MCUB: variants seen among roughly 807,000 people sequenced by gnomAD.
MCUB encodes the protein mitochondrial calcium uniporter dominant negative subunit beta.
MCUB carries 46 observed loss-of-function variants against 41.4 expected under a neutral mutation model. That is an observed-to-expected ratio of 1.11 (90% CI 0.88 to 1.42). The LOEUF (loss-of-function observed/expected upper bound fraction) is 1.42. MCUB is among the 40% of genes most tolerant of loss of function. The pLI is 0.00. For synonymous variants in MCUB, 148 were observed against 148.2 expected (o/e 1.00, Z 0.01); for missense variants, 403 against 404.9 (o/e 1.00, Z 0.04).
intron 1 of MCUB, among the ~76,000 whole-genome samples, chr4:109,600,787 A>T (rs955223729): frequency 6.6e-6 from 1 of 152,000 alleles, no homozygotes; most frequent in African/African-American, 2.4e-5. Flanking sequence ...ACGTATTTTT[A>T]TTATATATAT....
chr4:109,641,257 T>G (rs1422423252), intron 1 of MCUB, among the ~76,000 whole-genome samples: 2 of 132,676 alleles, frequency 1.5e-5, no homozygotes, highest in Non-Finnish European at 3.1e-5. Flanking sequence ...AACACCCGGC[T>G]ACTTTTTGTA....
intron 1 of MCUB, among the ~76,000 whole-genome samples, chr4:109,630,425 A>G (rs1186942071): frequency 6.6e-6 from 1 of 152,176 alleles, no homozygotes; most frequent in East Asian, 1.9e-4. Context: ...TCATACCTCT[A>G]CATTCCAGCC....
In MCUB at chr4:109,568,967, T is replaced by G. The variant is rs144190731; in HGVS notation, c.99+8531T>G. ...AAAACCTGAAGCATTCTTGTCTACTTGTTGAATAATTGAAGATTTTTTAAA... is the reference window on the plus strand; with the variant it reads ...AAAACCTGAAGCATTCTTGTCTACTGGTTGAATAATTGAAGATTTTTTAAA... On this transcript the variant is annotated intron_variant, in intron 1 of 7. Transcript: ENST00000394650. Among the ~76,000 whole-genome samples the G allele has an allele frequency of 2.0e-3, 301 of 152,318 alleles. 3 individuals carry two copies. Among genetic ancestry groups the G allele is most frequent in the African/African-American group, 6.8e-3 (284 of 41,572 alleles).
chr4:109,633,731 T>G (rs1031128554), intron 1 of MCUB, among the ~76,000 whole-genome samples: 1 of 152,192 alleles, frequency 6.6e-6, no homozygotes, highest in African/African-American at 2.4e-5. Context: ...CACCCAGGCA[T>G]CAAAGCAAGG....
At chr4:109,638,334 G>T (rs1434451917) in intron 1 of MCUB, among the ~76,000 whole-genome samples, 1 of 151,848 alleles carries the variant, frequency 6.6e-6, no homozygotes, top group Non-Finnish European at 1.5e-5. Context: ...TCCAGCCTGG[G>T]CAACAGAGCG....
intron 7 of MCUB, among the ~76,000 whole-genome samples, chr4:109,686,078 A>G (rs1729830148): frequency 6.6e-6 from 1 of 152,178 alleles, no homozygotes; most frequent in African/African-American, 2.4e-5. Flanking sequence ...TTTCTAAATT[A>G]CTCATCCCTA....
intron 4 of MCUB, among the ~76,000 whole-genome samples, chr4:109,675,411 A>G (rs1729550348): frequency 6.6e-6 from 1 of 152,164 alleles, no homozygotes; most frequent in Non-Finnish European, 1.5e-5. Context: ...CCCCCCTCAC[A>G]CCACACACAC....
intron 5 of MCUB, among the ~76,000 whole-genome samples, chr4:109,683,581 CAAAT>C (rs772742333): frequency 3.9e-5 from 6 of 152,156 alleles, no homozygotes; most frequent in African/African-American, 2.4e-5. Flanking sequence ...TGTGTACAAA[CAAAT>C]ACATTCTTAT....
chr4:109,569,649 GCC>G (rs1181089741), intron 1 of MCUB, among the ~76,000 whole-genome samples: 1 of 151,830 alleles, frequency 6.6e-6, no homozygotes, highest in Admixed American at 6.6e-5. Flanking sequence ...GATTACAGGT[GCC>G]TGCCACCACA....
At chr4:109,615,114 AG>A in intron 1 of MCUB, among the ~76,000 whole-genome samples, 1 of 152,312 alleles carries the variant, frequency 6.6e-6, no homozygotes, top group East Asian at 1.9e-4. Context: ...ACAGCTGGCA[AG>A]TGCCCTCTTT....
chr4:109,639,634 C>G (rs1728672067), intron 1 of MCUB, among the ~76,000 whole-genome samples: 2 of 152,098 alleles, frequency 1.3e-5, no homozygotes, highest in Admixed American at 6.6e-5. Context: ...TTGCAGGGAG[C>G]CGAGATCATG....
intron 1 of MCUB, among the ~76,000 whole-genome samples, chr4:109,597,658 A>G (rs1219620791): frequency 9.0e-5 from 11 of 122,700 alleles, no homozygotes; most frequent in African/African-American, 2.6e-4. Flanking sequence ...CCTCCCTCCC[A>G]GACCGGGCGG....
chr4:109,684,202 A>G (rs1729781153), intron 5 of MCUB, among the ~76,000 whole-genome samples: 1 of 151,696 alleles, frequency 6.6e-6, no homozygotes, highest in Non-Finnish European at 1.5e-5. Flanking sequence ...ATCTGGGACT[A>G]CAGGCGCCTG....
intron 1 of MCUB, among the ~76,000 whole-genome samples, chr4:109,643,565 C>T (rs1434879798): frequency 4.0e-5 from 6 of 151,832 alleles, no homozygotes; most frequent in African/African-American, 1.2e-4. Flanking sequence ...AGTGCAATGG[C>T]GCAATCTTGG....
chr4:109,586,133 G>A (rs1443144892), intron 1 of MCUB, among the ~76,000 whole-genome samples: 1 of 152,084 alleles, frequency 6.6e-6, no homozygotes, highest in Admixed American at 6.6e-5. Context: ...CATATTTCTT[G>A]GAGGCTTTGT....
At chr4:109,650,374 A>G (rs1728934801) in intron 1 of MCUB, among the ~76,000 whole-genome samples, 1 of 152,184 alleles carries the variant, frequency 6.6e-6, no homozygotes. Context: ...ATAGTTTCCT[A>G]CTGGCATGCA....
At chr4:109,644,086 A>G (rs1728779762) in intron 1 of MCUB, among the ~76,000 whole-genome samples, 1 of 152,176 alleles carries the variant, frequency 6.6e-6, no homozygotes, top group East Asian at 1.9e-4. Context: ...GGTCTTTGTC[A>G]TGTTCAGTAG....
intron 1 of MCUB, among the ~76,000 whole-genome samples, chr4:109,656,099 T>G (rs1729090649): frequency 6.6e-6 from 1 of 152,192 alleles, no homozygotes; most frequent in South Asian, 2.1e-4. Flanking sequence ...ATCAGTATAT[T>G]AAATGATACT....
chr4:109,584,916 A>G lies in MCUB; in HGVS notation c.99+24480A>G, dbSNP rs796974833. Among the ~76,000 whole-genome samples, 10 of 152,300 alleles carry G rather than the reference A, an allele frequency of 6.6e-5. 1 individual carries two copies. The highest frequency in any genetic ancestry group is 2.2e-4 in the African/African-American group (9 of 41,558). On this transcript the variant is annotated intron_variant, in intron 1 of 7. Transcript: ENST00000394650. ...TAAGTGTGATGTGGTTCTGAGAAGA[A>G]TGTATATTCTGTTGCTTTGGGGTGG...
Sources: allele counts gnomAD v4.1 joint callset (sites outside exome capture counted in the v4.1 genomes callset), GRCh38; gene constraint gnomAD v4.1.1; transcripts MANE v1.5; gene names NCBI Gene and HGNC (gene_info 2026-07-23, HGNC 2026-07-21).